Variants in PSD3 observed in about 807,000 individuals in gnomAD.
PSD3 encodes the protein PH and SEC7 domain-containing protein 3.
A neutral mutation model predicts 105.5 loss-of-function variants in PSD3; 49 were observed. The observed-to-expected ratio is 0.46, with a 90% CI of 0.37 to 0.59. The LOEUF is 0.59. PSD3 is among the 20% of genes least tolerant of loss of function. The pLI, the probability that PSD3 is intolerant of heterozygous loss-of-function variation, is 0.00. For synonymous variants in PSD3, 557 were observed against 457.8 expected (o/e 1.22, Z -2.77); for missense variants, 1,561 against 1,263.8 (o/e 1.24, Z -3.57).
chr8:18,661,290 C>T (rs1809328739), intron 9 of PSD3, among the ~76,000 whole-genome samples: 1 of 152,158 alleles, frequency 6.6e-6, no homozygotes, highest in Non-Finnish European at 1.5e-5. Flanking sequence ...AGAATTATGA[C>T]ACCATCCGTA....
At chr8:18,804,173 G>A (rs181624888) in intron 6 of PSD3, among the ~76,000 whole-genome samples, 11 of 152,146 alleles carry the variant, frequency 7.2e-5, no homozygotes, top group East Asian at 1.9e-4. Context: ...CAGGTTAAAC[G>A]TCCCAAACCC....
intron 9 of PSD3, among the ~76,000 whole-genome samples, chr8:18,670,928 T>G (rs963906792): frequency 6.6e-6 from 1 of 152,172 alleles, no homozygotes; most frequent in African/African-American, 2.4e-5. Flanking sequence ...GACCACACAG[T>G]GTACACTTTG....
chr8:19,012,378 A>T (rs1826989712), intron 1 of PSD3, among the ~76,000 whole-genome samples: 1 of 152,206 alleles, frequency 6.6e-6, no homozygotes. Context: ...TTTTGAAAAG[A>T]AAACCTCTTG....
chr8:18,612,355 C>T (rs1335868955), intron 11 of PSD3, among the ~76,000 whole-genome samples: 3 of 150,214 alleles, frequency 2.0e-5, no homozygotes, highest in Non-Finnish European at 4.4e-5. Context: ...TTGAGAACAC[C>T]GCTTTAACGT....
intron 2 of PSD3, among the ~76,000 whole-genome samples, chr8:18,923,218 A>C (rs962017911): frequency 6.6e-6 from 1 of 152,166 alleles, no homozygotes; most frequent in Non-Finnish European, 1.5e-5. Context: ...ATAATGTTTT[A>C]AGAAAGTTTA....
chr8:18,630,442 C>G (rs1806813999), intron 11 of PSD3, among the ~76,000 whole-genome samples: 1 of 151,816 alleles, frequency 6.6e-6, no homozygotes, highest in Admixed American at 6.6e-5. Context: ...CCACTGGGTC[C>G]AGGAAAACAG....
intron 2 of PSD3, among the ~76,000 whole-genome samples, chr8:18,883,317 A>C (rs1278406682): frequency 6.6e-6 from 1 of 152,222 alleles, no homozygotes; most frequent in Admixed American, 6.5e-5. Flanking sequence ...AACTAAAGTA[A>C]GTTCCAAGAA....
chr8:19,069,256 A>G (rs1273797792), intron 1 of PSD3, among the ~76,000 whole-genome samples: 1 of 152,204 alleles, frequency 6.6e-6, no homozygotes, highest in African/African-American at 2.4e-5. Context: ...ATATAACAAT[A>G]AATCTTATTC....
At chr8:19,059,097 T>A (rs1013355588) in intron 1 of PSD3, among the ~76,000 whole-genome samples, 6 of 152,206 alleles carry the variant, frequency 3.9e-5, no homozygotes, top group Non-Finnish European at 7.3e-5. Context: ...AAATTCCTTA[T>A]GCCATCCACA....
intron 4 of PSD3, chr8:18,849,756 T>C (rs1815418618): frequency 6.6e-6 from 1 of 152,230 alleles, no homozygotes; most frequent in Non-Finnish European, 1.5e-5. Context: ...CTTTTGAAAC[T>C]ATGACTTCCC....
chr8:18,779,007 G>A (rs569617402), intron 8 of PSD3, among the ~76,000 whole-genome samples: 11 of 152,074 alleles, frequency 7.2e-5, no homozygotes, highest in South Asian at 2.1e-4. Context: ...CCAATTTTTC[G>A]GAATAGTTTG....
intron 1 of PSD3, among the ~76,000 whole-genome samples, chr8:19,083,577 A>C (rs1829711364): frequency 6.6e-6 from 1 of 152,266 alleles, no homozygotes; most frequent in Middle Eastern, 3.4e-3. Context: ...TGGAAGGTAC[A>C]TGAGAGCCCT....
rs893275065 is a variant in PSD3, at chr8:18,765,648, C to T, written c.2083-110G>A. ...TTTGTTTCTAAAAACATAACTAGGC[C>T]AGGTGCGGTGGCTCACGCCTGTAAC... On this transcript the variant is annotated intron_variant, in intron 8 of 15. Coordinates refer to ENST00000327040, the MANE Select transcript of PSD3 (RefSeq NM_015310.4). The T allele has an allele frequency of 8.3e-6, 8 of 963,388 alleles. No individual in the cohort carries two copies. In the African/African-American group the frequency reaches 1.3e-4, roughly 16 times the overall value. 59.7% of individuals were successfully genotyped at this position (963,388 alleles called of 1,614,324 possible). A position where few individuals can be genotyped will look rare whatever the true frequency, so the allele number is the denominator to read the frequency against.
At chr8:18,925,303 G>A (rs1237601633) in intron 2 of PSD3, among the ~76,000 whole-genome samples, 2 of 152,106 alleles carry the variant, frequency 1.3e-5, no homozygotes, top group East Asian at 3.9e-4. Context: ...GCTGAGGTGG[G>A]AGGCTCACTT....
intron 4 of PSD3, among the ~76,000 whole-genome samples, chr8:18,826,874 A>T (rs1417021561): frequency 6.6e-6 from 1 of 152,226 alleles, no homozygotes; most frequent in Non-Finnish European, 1.5e-5. Flanking sequence ...CTATAATATA[A>T]TTAGTACCAG....
At chr8:18,796,444 T>C (rs1484318530) in intron 8 of PSD3, among the ~76,000 whole-genome samples, 1 of 152,190 alleles carries the variant, frequency 6.6e-6, no homozygotes, top group East Asian at 1.9e-4. Flanking sequence ...ACACGCATGC[T>C]ATATACATGT....
At chr8:18,892,161 T>C (rs1818827329) in intron 2 of PSD3, among the ~76,000 whole-genome samples, 1 of 123,526 alleles carries the variant, frequency 8.1e-6, no homozygotes, top group South Asian at 2.6e-4. Flanking sequence ...TTGTTTGCTG[T>C]CACTTACTTA....
At chr8:18,890,464 G>A (rs1013244391) in intron 2 of PSD3, among the ~76,000 whole-genome samples, 1 of 152,134 alleles carries the variant, frequency 6.6e-6, no homozygotes. Context: ...GAGGAGAGAG[G>A]TGAAAAGCCA....
intron 1 of PSD3, among the ~76,000 whole-genome samples, chr8:19,078,538 T>C (rs1829532101): frequency 6.6e-6 from 1 of 152,070 alleles, no homozygotes. Context: ...GTTGGCTGTC[T>C]GTATTTTCTC....
Sources: allele counts gnomAD v4.1 joint callset (sites outside exome capture counted in the v4.1 genomes callset), GRCh38; gene constraint gnomAD v4.1.1; transcripts MANE v1.5; gene names NCBI Gene and HGNC (gene_info 2026-07-23, HGNC 2026-07-21).